AMOTL1: variants seen among roughly 807,000 people sequenced by gnomAD.
The protein encoded by AMOTL1 is angiomotin-like protein 1.
In AMOTL1, 45 loss-of-function variants were observed where a neutral mutation model predicts 102.9. That is an observed-to-expected ratio of 0.44 (90% CI 0.34 to 0.56). AMOTL1 has a LOEUF of 0.56. Among genes scored for constraint, AMOTL1 ranks in the 20% least tolerant of loss-of-function variants. AMOTL1 has a pLI of 0.01. For missense variants in AMOTL1, 1,114 were observed against 1,225.6 expected, an observed-to-expected ratio of 0.91 and a Z score of 1.36; for synonymous variants, 481 against 484.7, an observed-to-expected ratio of 0.99 and a Z score of 0.10.
chr11:94,788,750 C>T (rs1396599404), intron 1 of AMOTL1, among the ~76,000 whole-genome samples: 1 of 152,198 alleles, frequency 6.6e-6, no homozygotes, highest in Non-Finnish European at 1.5e-5. Flanking sequence ...CTCTTGGACT[C>T]AATTGTTACT....
chr11:94,828,248 C>T (rs1450968305), intron 4 of AMOTL1, among the ~76,000 whole-genome samples: 1 of 152,130 alleles, frequency 6.6e-6, no homozygotes, highest in Admixed American at 6.5e-5. Flanking sequence ...ACTGTCTGCA[C>T]CCAGTCACCA....
rs1220554874 is a variant in AMOTL1, at chr11:94,872,545, A to G, written c.*1750A>G. On this transcript the variant is annotated 3_prime_UTR_variant, in exon 13 of 13. Transcript: ENST00000433060. ...CCCAAATTGAGGTGACAGAAGGAAG[A>G]CAAGAGGTGTAAGCTGGAGAGGGAA... The G allele has an allele frequency of 1.3e-5, 2 of 152,546 alleles. No homozygotes were observed. Among genetic ancestry groups the G allele is most frequent in the Non-Finnish European group, 2.9e-5 (2 of 68,274 alleles). 9.4% of individuals were successfully genotyped at this position (152,546 alleles called of 1,614,324 possible).
At chr11:94,823,882 AT>A (rs55834505) in intron 4 of AMOTL1, among the ~76,000 whole-genome samples, 92 of 147,506 alleles carry the variant, frequency 6.2e-4, no homozygotes, top group East Asian at 2.6e-3. Context: ...CACCTGGCTA[AT>A]TTTTTTTTTT....
intron 1 of AMOTL1, among the ~76,000 whole-genome samples, chr11:94,789,452 C>T (rs1951246817): frequency 6.6e-6 from 1 of 152,202 alleles, no homozygotes; most frequent in African/African-American, 2.4e-5. Context: ...AGCCACCGTG[C>T]CCGGCACTGT....
chr11:94,809,483 C>G (rs1038040326), intron 3 of AMOTL1, among the ~76,000 whole-genome samples: 28 of 152,294 alleles, frequency 1.8e-4, no homozygotes, highest in African/African-American at 5.8e-4. Flanking sequence ...CATTGCATTC[C>G]GTGGTGCTGG....
intron 3 of AMOTL1, among the ~76,000 whole-genome samples, chr11:94,814,550 T>G (rs563047573): frequency 3.0e-4 from 46 of 152,108 alleles, no homozygotes; most frequent in Non-Finnish European, 5.4e-4. Context: ...CAGGACAATT[T>G]CACAGAAAAT....
rs534338795 is a variant in AMOTL1 at position 94,839,881 on chromosome 11, C to A, written c.1648+8340C>A. On this transcript the variant is annotated intron_variant, in intron 6 of 12. Transcript: ENST00000433060. ...TCTTAATTGGTTGCTAATTATTTAG[C>A]CCAGCGCTGTGACTTAATACTAATG... Among the ~76,000 whole-genome samples the A allele has an allele frequency of 2.6e-5, 4 of 152,250 alleles. No homozygotes were observed. The East Asian group carries it at 7.7e-4, about 29-fold the overall frequency.
At chr11:94,763,318 A>G (rs768947785) in intron 3 of AMOTL1, among the ~76,000 whole-genome samples, 2 of 152,128 alleles carry the variant, frequency 1.3e-5, no homozygotes, top group Non-Finnish European at 2.9e-5. Flanking sequence ...TCTGCTTTAG[A>G]CACTGCCAGT....
At chr11:94,834,945 C>T (rs1952145938) in intron 6 of AMOTL1, among the ~76,000 whole-genome samples, 1 of 152,094 alleles carries the variant, frequency 6.6e-6, no homozygotes. Context: ...TGGTGGACTG[C>T]CTGGGTAATT....
At chr11:94,758,979 A>C (rs1162509133) in intron 3 of AMOTL1, among the ~76,000 whole-genome samples, 1 of 152,252 alleles carries the variant, frequency 6.6e-6, no homozygotes, top group Non-Finnish European at 1.5e-5. Flanking sequence ...CTTTAAAAAA[A>C]ACACTCTGCC....
At chr11:94,841,398 G>A (rs960392617) in intron 6 of AMOTL1, among the ~76,000 whole-genome samples, 1 of 152,172 alleles carries the variant, frequency 6.6e-6, no homozygotes, top group African/African-American at 2.4e-5. Context: ...GTTGTAGTGA[G>A]CCGAGATGGC....
At chr11:94,767,810 A>G (rs1950874064), upstream of AMOTL1, among the ~76,000 whole-genome samples, 1 of 152,252 alleles carries the variant, frequency 6.6e-6, no homozygotes, top group East Asian at 1.9e-4. Context: ...GGTTCTGCGA[A>G]CACATTTAAT....
At chr11:94,857,690 G>C (rs1426856518) in intron 8 of AMOTL1, among the ~76,000 whole-genome samples, 3 of 152,196 alleles carry the variant, frequency 2.0e-5, no homozygotes, top group African/African-American at 7.2e-5. Context: ...AAGAGAGAAG[G>C]TTCTTGAAGA....
chr11:94,825,388 A>C (rs182662377), intron 4 of AMOTL1, among the ~76,000 whole-genome samples: 20 of 152,250 alleles, frequency 1.3e-4, no homozygotes, highest in Admixed American at 1.2e-3. Flanking sequence ...CAGGGGAAAA[A>C]ACCAGTATCT....
chr11:94,774,396 G>A (rs904888729), intron 1 of AMOTL1, among the ~76,000 whole-genome samples: 3 of 152,204 alleles, frequency 2.0e-5, no homozygotes, highest in African/African-American at 7.2e-5. Flanking sequence ...AGGTGGGTCT[G>A]CATTCAGAAG....
chr11:94,773,245 T>C (rs1481847510), intron 1 of AMOTL1, among the ~76,000 whole-genome samples: 1 of 152,268 alleles, frequency 6.6e-6, no homozygotes, highest in African/African-American at 2.4e-5. Context: ...AGATTCCTTT[T>C]TTCTTTAAGG....
At chr11:94,737,304 C>T (rs73525893) in intron 2 of AMOTL1, among the ~76,000 whole-genome samples, 318 of 152,258 alleles carry the variant, frequency 2.1e-3, no homozygotes, top group African/African-American at 6.8e-3. Flanking sequence ...TTGGAGACAA[C>T]GAACATTCCT....
At chr11:94,756,131 T>G (rs1357724968) in intron 3 of AMOTL1, among the ~76,000 whole-genome samples, 1 of 152,006 alleles carries the variant, frequency 6.6e-6, no homozygotes, top group Non-Finnish European at 1.5e-5. Context: ...TGGCCTGCAG[T>G]GTTGGATGGT....
At chr11:94,815,443 A>G (rs754211399) in intron 3 of AMOTL1, among the ~76,000 whole-genome samples, 1 of 152,158 alleles carries the variant, frequency 6.6e-6, no homozygotes, top group Non-Finnish European at 1.5e-5. Context: ...TAACTATCAC[A>G]GTTTTAATAA....
Sources: gnomAD v4.1 joint callset for allele counts (sites outside exome capture counted in the v4.1 genomes callset) on GRCh38, gnomAD v4.1.1 for gene constraint, MANE v1.5 for transcripts, NCBI Gene and HGNC (gene_info 2026-07-23, HGNC 2026-07-21) for gene names.